The following C8orf76 variants were observed in gnomAD, a reference collection of about 807,000 sequenced individuals.
C8orf76 encodes the protein chromosome 8 open reading frame 76.
C8orf76 carries 46 observed loss-of-function variants against 38.1 expected under a neutral mutation model. The observed-to-expected ratio is 1.21, with a 90% CI of 0.95 to 1.54. The LOEUF (loss-of-function observed/expected upper bound fraction) is 1.54, where lower values mean the gene tolerates loss of function less well. C8orf76 is among the 40% of genes most tolerant of loss of function. The pLI, the probability that C8orf76 is intolerant of heterozygous loss-of-function variation, is 0.00. For synonymous variants in C8orf76, 166 were observed against 167.5 expected (o/e 0.99, Z 0.07); for missense variants, 461 against 441.6 (o/e 1.04, Z -0.39).
Position 123,239,063 on chromosome 8 carries a change from G to C in C8orf76, c.199C>G (p.Arg67Gly). 1 of 1,614,018 alleles carries C rather than the reference G, an allele frequency of 6.2e-7. No homozygotes were observed. Among genetic ancestry groups the C allele is most frequent in the East Asian group, 2.2e-5 (1 of 44,874 alleles). The change falls in exon 2 of 6, where the codon CGA (arginine) becomes GGA (glycine). Residue 67 changes from arginine to glycine, a missense_variant. Coordinates refer to ENST00000276704, the MANE Select transcript of C8orf76 (RefSeq NM_032847.3). ...TTGAATTCTACCTGATACTCTTGTC[G>C]TCTGTAGGCCAGGTCTCCTTTGAAT... ...KKFKGDLAYR[R>G]QEYQKALQEY...
intron 4 of C8orf76, among the ~76,000 whole-genome samples, chr8:123,230,512 G>A (rs183658688): frequency 4.6e-5 from 7 of 152,140 alleles, no homozygotes; most frequent in Admixed American, 6.5e-5. Context: ...GTTTCTGAGA[G>A]TTTCATTCTG....
At position 123,220,185 on chromosome 8, in the gene C8orf76, T is replaced by G. The variant is rs1563795321; in HGVS notation, c.1061A>C (p.Glu354Ala). The change falls in exon 6 of 6, where the codon GAA (glutamate) becomes GCA (alanine). Residue 354 changes from glutamate to alanine, a missense_variant. Glu to Ala is a moderately radical substitution (Grantham distance 107). Coordinates refer to ENST00000276704, the MANE Select transcript of C8orf76 (RefSeq NM_032847.3). ...TTTGATCTTTCTGAACCACTTGTCTTCAAATTCTTCTGAGGATACAGTCAC... is the reference window on the plus strand; with the variant it reads ...TTTGATCTTTCTGAACCACTTGTCTGCAAATTCTTCTGAGGATACAGTCAC... ...ALVTVSSEEF[E>A]DKWFRKIKDH... 6.2e-7 allele frequency: 1 copy of G among 1,614,098 alleles called. No individual in the cohort carries two copies. The highest frequency in any genetic ancestry group is 1.1e-5 in the South Asian group (1 of 91,072).
At chr8:123,225,588 G>A (rs1825016826) in intron 5 of C8orf76, among the ~76,000 whole-genome samples, 1 of 150,988 alleles carries the variant, frequency 6.6e-6, no homozygotes, top group Admixed American at 6.6e-5. Context: ...GCAGAGGAAC[G>A]TTAAGAAACA....
chr8:123,229,086 T>A lies in C8orf76; in HGVS notation c.815+2214A>T, dbSNP rs897945741. On this transcript the variant is annotated intron_variant, in intron 4 of 5. Transcript: ENST00000276704. ...GTGGCCACAGCCTACCTTGAGCCCT[T>A]ACCACCAATGCTGCTCTTACCACCA... 1.9e-4 allele frequency among the ~76,000 whole-genome samples: 29 copies of A among 151,852 alleles called. 1 individual carries two copies. The highest frequency in any genetic ancestry group is 7.0e-4 in the African/African-American group (29 of 41,372).
chr8:123,223,879 A>C (rs1351225213), intron 5 of C8orf76, among the ~76,000 whole-genome samples: 5 of 152,228 alleles, frequency 3.3e-5, no homozygotes, highest in East Asian at 1.9e-4. Context: ...GCATGATTCC[A>C]CTTATTTGAA....
At chr8:123,239,765 G>A (rs949607391) in intron 1 of C8orf76, 5 of 152,106 alleles carry the variant, frequency 3.3e-5, no homozygotes, top group Non-Finnish European at 4.4e-5. Context: ...GAGGCGGGCA[G>A]ATCACTTGAG....
rs1331268748 is a variant in C8orf76, at chr8:123,220,247, C to T, written c.999G>A (p.Glu333=). The T allele has an allele frequency of 1.2e-6, 2 of 1,611,506 alleles. No homozygotes were observed. Among genetic ancestry groups the T allele is most frequent in the Middle Eastern group, 1.7e-4 (1 of 6,056 alleles). The change falls in exon 6 of 6, where the codon GAG becomes GAA. Residue 333 remains glutamate (E), a synonymous_variant. Transcript: ENST00000276704. ...PEKIKDEVHP[E]VKCVGSVALT... ...GGGCTACGGAGCCAACACACTTCAC[C>T]TCTGGGTGAACTTCATCTTTTATTT...
intron 5 of C8orf76, among the ~76,000 whole-genome samples, chr8:123,225,924 C>CAA (rs111443637): frequency 8.7e-6 from 1 of 114,868 alleles, no homozygotes; most frequent in African/African-American, 3.2e-5. Flanking sequence ...GACTCTGTCT[C>CAA]AAAAAAAAAA....
At position 123,241,295 on chromosome 8, in the gene C8orf76, C is replaced by A; in HGVS notation, c.52G>T (p.Glu18Ter). 1 of 1,577,504 alleles carries A rather than the reference C, an allele frequency of 6.3e-7. No homozygotes were observed. Among genetic ancestry groups the A allele is most frequent in the Non-Finnish European group, 8.6e-7 (1 of 1,167,046 alleles). The change falls in exon 1 of 6, where the codon GAG (glutamate) becomes TAG (stop). Residue 18 changes from glutamate to a stop codon, truncating the protein, a stop_gained. Coordinates refer to ENST00000276704, the MANE Select transcript of C8orf76 (RefSeq NM_032847.3). LOFTEE classifies it high-confidence loss of function. ...CCTGACCGCCGCTCCGGCCTCTCCTCGAACACCGAGTCCTCGAACTCGCCG... is the reference window on the plus strand; with the variant it reads ...CCTGACCGCCGCTCCGGCCTCTCCTAGAACACCGAGTCCTCGAACTCGCCG... ...FGGEFEDSVF[E>*]ERPERRSGPP...
intron 5 of C8orf76, among the ~76,000 whole-genome samples, chr8:123,223,403 T>A (rs1783712262): frequency 6.6e-6 from 1 of 151,946 alleles, no homozygotes; most frequent in Non-Finnish European, 1.5e-5. Flanking sequence ...AGATCAGGAG[T>A]TCGAGACCAG....
At chr8:123,238,021 T>A in intron 2 of C8orf76, 80 bp from the exon 3 acceptor site, 1 of 1,494,610 alleles carries the variant, frequency 6.7e-7, no homozygotes, top group Non-Finnish European at 8.9e-7. Context: ...GGTGATTTTT[T>A]TTCCTAGGTG....
chr8:123,228,167 A>G (rs1418295197), intron 4 of C8orf76, among the ~76,000 whole-genome samples: 1 of 152,172 alleles, frequency 6.6e-6, no homozygotes, highest in African/African-American at 2.4e-5. Context: ...CTGGTCACCA[A>G]GTCCTGTCTA....
At chr8:123,221,693 C>T (rs1337533921) in intron 5 of C8orf76, among the ~76,000 whole-genome samples, 2 of 152,178 alleles carry the variant, frequency 1.3e-5, no homozygotes, top group Non-Finnish European at 2.9e-5. Flanking sequence ...GCCTTTGCCT[C>T]CCAAAGTGCT....
At chr8:123,236,366 A>G (rs2131159520) in intron 3 of C8orf76, among the ~76,000 whole-genome samples, 1 of 152,298 alleles carries the variant, frequency 6.6e-6, no homozygotes, top group African/African-American at 2.4e-5. Context: ...ACAACAATCA[A>G]TACAAATAAT....
chr8:123,222,192 T>C (rs1824909956), intron 5 of C8orf76, among the ~76,000 whole-genome samples: 1 of 151,984 alleles, frequency 6.6e-6, no homozygotes, highest in South Asian at 2.1e-4. Context: ...TTTCACCGTG[T>C]TACCCAGGAT....
intron 5 of C8orf76, chr8:123,226,233 T>C (rs966425731): frequency 1.1e-5 from 14 of 1,313,346 alleles, no homozygotes; most frequent in Non-Finnish European, 9.6e-6. Context: ...AAACAAACAA[T>C]TATTGGGCAT....
rs1480928959 is a variant in C8orf76, at chr8:123,237,206, C to T, written c.357+592G>A. ...CACACCAACAACCTGTACCCCAAGACGAAGGACAAAGAAGGCTCTTCCTTC... is the reference window on the plus strand; with the variant it reads ...CACACCAACAACCTGTACCCCAAGATGAAGGACAAAGAAGGCTCTTCCTTC... On this transcript the variant is annotated intron_variant, in intron 3 of 5. Coordinates refer to ENST00000276704, the MANE Select transcript of C8orf76 (RefSeq NM_032847.3). 2.0e-5 allele frequency: 13 copies of T among 655,172 alleles called. 1 individual carries two copies. The highest frequency in any genetic ancestry group is 1.0e-4 in the South Asian group (6 of 59,528). The allele number at this position is 655,172 out of a possible 1,614,324, so 40.6% of individuals were successfully genotyped here. A position where few individuals can be genotyped will look rare whatever the true frequency, so the allele number is the denominator to read the frequency against.
At chr8:123,238,955 C>T in intron 2 of C8orf76, 94 bp downstream of exon 2, 2 of 1,303,288 alleles carry the variant, frequency 1.5e-6, no homozygotes, top group South Asian at 1.3e-5. Flanking sequence ...AACTCATCTT[C>T]ATAAACACCA....
intron 5 of C8orf76, among the ~76,000 whole-genome samples, chr8:123,224,045 T>C (rs1824958367): frequency 6.6e-6 from 1 of 151,994 alleles, no homozygotes; most frequent in African/African-American, 2.4e-5. Context: ...GGCACAACAC[T>C]GTATACGTAC....
Sources: allele counts gnomAD v4.1 joint callset (sites outside exome capture counted in the v4.1 genomes callset), GRCh38; gene constraint gnomAD v4.1.1; transcripts MANE v1.5; gene names NCBI Gene and HGNC (gene_info 2026-07-23, HGNC 2026-07-21).